The following PTPDC1 variants were observed in gnomAD, a reference collection of about 807,000 sequenced individuals.
PTPDC1 encodes the protein protein tyrosine phosphatase domain containing 1.
In PTPDC1, 53 loss-of-function variants were observed where a neutral mutation model predicts 75.3. That is an observed-to-expected ratio of 0.70 (90% CI 0.56 to 0.88). The LOEUF (loss-of-function observed/expected upper bound fraction) is 0.88. Among genes scored for constraint, PTPDC1 ranks in the 40% least tolerant of loss-of-function variants. PTPDC1 has a pLI of 0.00. For synonymous variants in PTPDC1, 349 were observed against 366.2 expected (o/e 0.95, Z 0.54); for missense variants, 925 against 998.6 (o/e 0.93, Z 0.99).
chr9:94,093,974 A>T (rs1029396712), intron 4 of PTPDC1, among the ~76,000 whole-genome samples: 10 of 151,904 alleles, frequency 6.6e-5, no homozygotes, highest in Admixed American at 3.9e-4. Flanking sequence ...TTATTCTAGT[A>T]ATACATTCTC....
At chr9:94,036,023 G>GT (rs200873026) in intron 1 of PTPDC1, among the ~76,000 whole-genome samples, 4,381 of 85,212 alleles carry the variant, frequency 0.051, 335 homozygotes, top group African/African-American at 0.09. Flanking sequence ...CGGATTATTT[G>GT]TTTTTTTTTT....
chr9:94,039,054 G>T (rs970701504), intron 1 of PTPDC1, among the ~76,000 whole-genome samples: 2 of 152,102 alleles, frequency 1.3e-5, no homozygotes, highest in Non-Finnish European at 2.9e-5. Flanking sequence ...ATTTAGGATG[G>T]TCTTTAAAGA....
intron 6 of PTPDC1, among the ~76,000 whole-genome samples, chr9:94,099,538 C>T (rs1021427197): frequency 3.3e-5 from 5 of 152,212 alleles, no homozygotes; most frequent in East Asian, 3.8e-4. Context: ...TTCACATTAA[C>T]TTTTAATTAT....
chr9:94,056,334 A>G (rs1825935754), intron 1 of PTPDC1, among the ~76,000 whole-genome samples: 1 of 149,436 alleles, frequency 6.7e-6, no homozygotes, highest in African/African-American at 2.5e-5. Flanking sequence ...TTTGCTACGT[A>G]AGCTTAAGTT....
intron 1 of PTPDC1, chr9:94,038,304 G>C: frequency 1.4e-6 from 1 of 712,958 alleles, no homozygotes. Context: ...AAGGCAGAAA[G>C]AAAAATGATA....
chr9:94,045,198 A>G (rs1026311323), intron 1 of PTPDC1, among the ~76,000 whole-genome samples: 9 of 151,910 alleles, frequency 5.9e-5, no homozygotes, highest in Non-Finnish European at 1.3e-4. Context: ...GCTGCATAGT[A>G]TTCCATGCTG....
At position 94,088,853 on chromosome 9, in the gene PTPDC1, A is replaced by G. The variant is rs565644269; in HGVS notation, c.616+590A>G. ...ACTTGTTTTTAAGAAGCTTATTTAC[A>G]CTAGATAGAAAATCCATATATACTG... On this transcript the variant is annotated intron_variant, in intron 4 of 8. Transcript: ENST00000620992. 2.0e-5 allele frequency among the ~76,000 whole-genome samples: 3 copies of G among 152,268 alleles called. No homozygotes were observed. The East Asian group carries it at 5.8e-4, about 29-fold the overall frequency.
chr9:94,102,696 C>T (rs1827885430), intron 7 of PTPDC1, among the ~76,000 whole-genome samples: 1 of 152,126 alleles, frequency 6.6e-6, no homozygotes, highest in African/African-American at 2.4e-5. Context: ...TCTCCTGCCT[C>T]AGCCTCCCGA....
At chr9:94,079,010 C>T (rs1379170597) in intron 2 of PTPDC1, among the ~76,000 whole-genome samples, 5 of 152,134 alleles carry the variant, frequency 3.3e-5, no homozygotes, top group African/African-American at 2.4e-5. Context: ...ATTGACTACA[C>T]TTTTTTCTGT....
chr9:94,064,587 C>T (rs1308682735), intron 1 of PTPDC1: 1 of 593,154 alleles, frequency 1.7e-6, no homozygotes, highest in Non-Finnish European at 3.0e-6. Context: ...CTTAACAGCA[C>T]ATCTCAACCT....
intron 1 of PTPDC1, among the ~76,000 whole-genome samples, chr9:94,040,973 G>T (rs1825412504): frequency 6.6e-6 from 1 of 152,144 alleles, no homozygotes; most frequent in Non-Finnish European, 1.5e-5. Flanking sequence ...CCTTCACCAT[G>T]TCCATTGAAC....
chr9:94,085,822 C>T (rs996247080), intron 2 of PTPDC1, among the ~76,000 whole-genome samples: 1 of 151,998 alleles, frequency 6.6e-6, no homozygotes, highest in Non-Finnish European at 1.5e-5. Context: ...TTATGTTATT[C>T]CTATATTCTA....
Position 94,097,634 on chromosome 9 carries a change from C to T in PTPDC1, c.1068C>T (p.Asn356=). 1 of 1,614,044 alleles carries T rather than the reference C, an allele frequency of 6.2e-7. No individual in the cohort carries two copies. The highest frequency in any genetic ancestry group is 8.5e-7 in the Non-Finnish European group (1 of 1,180,036). The change falls in exon 6 of 9, where the codon AAC becomes AAT. Residue 356 remains asparagine, a synonymous_variant. Coordinates refer to ENST00000620992, the MANE Select transcript of PTPDC1 (RefSeq NM_001253829.2). ...AATTGCTGCTGGACTTAGCGGAGAA[C>T]AGGCCAGTGATGATGAAGGATGTGT... ...VCKLLLDLAE[N]RPVMMKDVSE... is the part of the protein sequence containing the mutation.
At chr9:94,066,073 C>T (rs1204424476) in intron 2 of PTPDC1, among the ~76,000 whole-genome samples, 1 of 152,118 alleles carries the variant, frequency 6.6e-6, no homozygotes, top group Non-Finnish European at 1.5e-5. Context: ...TGCTGGAGAG[C>T]TCTGAGCACC....
In PTPDC1 at chr9:94,104,401, C is replaced by A; in HGVS notation, c.2310+16C>A. On this transcript the variant is annotated intron_variant, in intron 8 of 8. Transcript: ENST00000620992. ...ATTCACTAAGGTGGGTCATACTCTTCCTTTCCCCTCTCTGAACCACAGATC... is the reference window on the plus strand; with the variant it reads ...ATTCACTAAGGTGGGTCATACTCTTACTTTCCCCTCTCTGAACCACAGATC... 1 of 1,515,132 alleles carries A rather than the reference C, an allele frequency of 6.6e-7. No individual in the cohort carries two copies. Among genetic ancestry groups the A allele is most frequent in the Non-Finnish European group, 9.2e-7 (1 of 1,091,128 alleles). 93.9% of individuals were successfully genotyped at this position (1,515,132 alleles called of 1,614,324 possible).
At chr9:94,095,535 G>A (rs1827532376) in intron 5 of PTPDC1, 81 bp downstream of exon 5, 2 of 1,170,232 alleles carry the variant, frequency 1.7e-6, no homozygotes, top group Non-Finnish European at 2.4e-6. Context: ...GAGGGTAAAT[G>A]TTTCTCAGAA....
intron 1 of PTPDC1, among the ~76,000 whole-genome samples, chr9:94,043,783 A>T (rs1175652095): frequency 6.6e-6 from 1 of 152,182 alleles, no homozygotes; most frequent in African/African-American, 2.4e-5. Context: ...ATTTTTTTCT[A>T]GAAGTTTGAT....
chr9:94,100,556 A>ACACCCCCTT (rs1827801221), intron 6 of PTPDC1: 1 of 152,178 alleles, frequency 6.6e-6, no homozygotes, highest in Non-Finnish European at 1.5e-5. Flanking sequence ...CTGGGTATGA[A>ACACCCCCTT]CACCCCCTTT....
rs570741340 is a variant in PTPDC1 at position 94,064,755 on chromosome 9, T to G, written c.16T>G (p.Leu6Val). 85 of 1,613,678 alleles carry G rather than the reference T, an allele frequency of 5.3e-5. 1 individual carries two copies. The South Asian group carries it at 8.7e-4, about 16-fold the overall frequency. Residue 6 changes from leucine (L) to valine (V), a missense_variant, in exon 2 of 10, where the codon TTG becomes GTG. Coordinates refer to the PTPDC1 transcript ENST00000375360. ...ACAGACTACCATGGCTGCAGGAGTC[T>G]TGCCTCAGAATGAACAACCATATTC...
Sources: gnomAD v4.1 joint callset for allele counts (sites outside exome capture counted in the v4.1 genomes callset) on GRCh38, gnomAD v4.1.1 for gene constraint, MANE v1.5 for transcripts, NCBI Gene and HGNC (gene_info 2026-07-23, HGNC 2026-07-21) for gene names.